CYP11A1: variants seen among roughly 807,000 people sequenced by gnomAD.
CYP11A1 encodes cytochrome P450 family 11 subfamily A member 1, also known as cholesterol side-chain cleavage enzyme, mitochondrial.
CYP11A1 carries 25 observed loss-of-function variants against 51.9 expected under a neutral mutation model. That is an observed-to-expected ratio of 0.48 (90% CI 0.35 to 0.67). CYP11A1 has a LOEUF of 0.67. Ranked by LOEUF, CYP11A1 falls within the 30% of genes least tolerant of loss-of-function variation. The pLI is 0.00. For missense variants in CYP11A1, 578 were observed against 680.9 expected (o/e 0.85, Z 1.68); for synonymous variants, 245 against 262.1 (o/e 0.93, Z 0.63).
At chr15:74,350,455 T>C (rs376818343) in intron 1 of CYP11A1, among the ~76,000 whole-genome samples, 2 of 152,200 alleles carry the variant, frequency 1.3e-5, no homozygotes, top group African/African-American at 2.4e-5. Context: ...AAGACCCTTC[T>C]TCTCACTGGG....
intron 8 of CYP11A1, 72 bp from the exon 9 acceptor site, chr15:74,338,175 C>T (rs1299303861): frequency 1.9e-6 from 3 of 1,575,738 alleles, no homozygotes; most frequent in South Asian, 1.1e-5. Flanking sequence ...CCAATTCACC[C>T]ATAGGCAGTG....
chr15:74,365,514 A>C (rs2060728161), intron 1 of CYP11A1: 1 of 240,046 alleles, frequency 4.2e-6, no homozygotes, highest in Admixed American at 6.5e-5. Flanking sequence ...AGGTGTGCGG[A>C]GGGTAACGGA....
chr15:74,347,412 T>C (rs919166954), intron 2 of CYP11A1, among the ~76,000 whole-genome samples: 5 of 151,522 alleles, frequency 3.3e-5, no homozygotes, highest in Admixed American at 6.6e-5. Context: ...CATCTCAAAA[T>C]AAAAAAAAAT....
chr15:74,348,104 T>C (rs1451825154), intron 1 of CYP11A1, 49 bp from the exon 2 acceptor site: 5 of 1,602,558 alleles, frequency 3.1e-6, no homozygotes, highest in African/African-American at 1.3e-5. Context: ...AGGAGAGCTA[T>C]GGATACAGGC....
At chr15:74,360,427 C>A (rs2060702767) in intron 1 of CYP11A1, among the ~76,000 whole-genome samples, 1 of 151,944 alleles carries the variant, frequency 6.6e-6, no homozygotes, top group East Asian at 1.9e-4. Flanking sequence ...ATTACAGACG[C>A]CCGCCACCAC....
rs574358362 is a variant in CYP11A1, at chr15:74,357,818, C to A, written c.269+9499G>T. Among the ~76,000 whole-genome samples, 8 of 152,306 alleles carry A rather than the reference C, an allele frequency of 5.3e-5. No individual in the cohort carries two copies. In the East Asian group the frequency reaches 1.4e-3, roughly 26 times the overall value. On this transcript the variant is annotated intron_variant, in intron 1 of 8. Coordinates refer to ENST00000268053, the MANE Select transcript of CYP11A1 (RefSeq NM_000781.3). ...GTCGCTGCTTTAATACTTTTAGAGG[C>A]CCTCAAAATCACAAACTGTGCTCAA...
chr15:74,343,865 G>C lies in CYP11A1; in HGVS notation c.753C>G (p.Pro251=), dbSNP rs751324828. ...FHTSVPMLNL[P]PDLFRLFRTK... is the part of the protein sequence containing the mutation. The stretch of plus-strand genomic sequence containing the variant: ...TCCTGAACAGACGGAACAGGTCTGG[G>C]GGAAGGTTGAGCATGGGGACGCTGG... Residue 251 remains proline (P), a synonymous_variant, in exon 4 of 9, where the codon CCC becomes CCG. Coordinates refer to ENST00000268053, the MANE Select transcript of CYP11A1 (RefSeq NM_000781.3). 21 of 1,613,842 alleles carry C rather than the reference G, an allele frequency of 1.3e-5. No individual in the cohort carries two copies. The highest frequency in any genetic ancestry group is 1.8e-5 in the Non-Finnish European group (21 of 1,180,040).
At chr15:74,360,477 G>A (rs2060703156) in intron 1 of CYP11A1, among the ~76,000 whole-genome samples, 1 of 151,470 alleles carries the variant, frequency 6.6e-6, no homozygotes. Context: ...GTAGAGATGG[G>A]GTTTTACCAT....
intron 3 of CYP11A1, among the ~76,000 whole-genome samples, chr15:74,344,626 A>T (rs148243416): frequency 4.6e-5 from 7 of 152,306 alleles, no homozygotes; most frequent in African/African-American, 1.7e-4. Flanking sequence ...TAACTCCTAC[A>T]GATTCCTCAA....
chr15:74,342,682 A>T (rs1371491753), intron 5 of CYP11A1, among the ~76,000 whole-genome samples: 8 of 151,668 alleles, frequency 5.3e-5, no homozygotes, highest in South Asian at 2.1e-4. Flanking sequence ...TCCAGAGGGG[A>T]CCTCCTCCTG....
chr15:74,344,971 C>A, intron 3 of CYP11A1, 73 bp downstream of exon 3: 1 of 1,400,774 alleles, frequency 7.1e-7, no homozygotes, highest in Non-Finnish European at 1.0e-6. Context: ...TGTACTGAAC[C>A]TCAAGGTAAG....
rs769898237 is a variant in CYP11A1, at chr15:74,345,200, C to T, written c.469G>A (p.Glu157Lys). ...WKKDRVALNQ[E>K]VMAPEATKNF... ...TTGGTGGCCTCTGGAGCCATCACCT[C>T]CTGGTTCAGGGCCACCCGGTCTTTC... The change falls in exon 3 of 9, where the codon GAG (glutamate) becomes AAG (lysine). Residue 157 changes from glutamate to lysine, a missense_variant. Transcript: ENST00000268053. This position sits in a 1 kb window ranked among gnomAD's most constrained non-coding sequence, Gnocchi z 4.3. 9.3e-6 allele frequency: 15 copies of T among 1,614,224 alleles called. No homozygotes were observed. The highest frequency in any genetic ancestry group is 1.2e-5 in the Non-Finnish European group (14 of 1,180,036).
At chr15:74,347,514 C>G (rs1164438870) in intron 2 of CYP11A1, among the ~76,000 whole-genome samples, 1 of 152,200 alleles carries the variant, frequency 6.6e-6, no homozygotes, top group Non-Finnish European at 1.5e-5. Flanking sequence ...CCCCTTTAGC[C>G]TGTATGGGAC....
chr15:74,338,370 C>A (rs1425430120), intron 8 of CYP11A1: 2 of 717,848 alleles, frequency 2.8e-6, no homozygotes, highest in Non-Finnish European at 2.4e-6. Context: ...TGGCCAGGGG[C>A]ATCAGTGGGT....
chr15:74,367,426 G>C lies in CYP11A1; in HGVS notation c.160C>G (p.Pro54Ala). 1 of 1,614,242 alleles carries C rather than the reference G, an allele frequency of 6.2e-7. No individual in the cohort carries two copies. The highest frequency in any genetic ancestry group is 8.5e-7 in the Non-Finnish European group (1 of 1,180,048). The change falls in exon 1 of 9, where the codon CCT (proline) becomes GCT (alanine). Residue 54 changes from proline to alanine, a missense_variant. Pro to Ala is a conservative substitution (Grantham distance 27, BLOSUM62 -1). Coordinates refer to ENST00000268053, the MANE Select transcript of CYP11A1 (RefSeq NM_000781.3). ...SPRPFNEIPS[P>A]GDNGWLNLYH... ...AGGTTTAGCCAGCCATTGTCACCAGGAGAGGGGATCTCATTGAAGGGGCGA... is the reference window on the plus strand; with the variant it reads ...AGGTTTAGCCAGCCATTGTCACCAGCAGAGGGGATCTCATTGAAGGGGCGA...
chr15:74,349,287 C>T (rs950940922), intron 1 of CYP11A1, among the ~76,000 whole-genome samples: 1 of 152,206 alleles, frequency 6.6e-6, no homozygotes, highest in African/African-American at 2.4e-5. Flanking sequence ...GAAAATTCCA[C>T]TTCTTGCTAG....
At chr15:74,350,420 C>T (rs113041879) in intron 1 of CYP11A1, among the ~76,000 whole-genome samples, 4 of 152,320 alleles carry the variant, frequency 2.6e-5, no homozygotes, top group African/African-American at 9.6e-5. Flanking sequence ...CCTGGCTTTG[C>T]TCTCATGAGT....
intron 1 of CYP11A1, among the ~76,000 whole-genome samples, chr15:74,352,446 T>A (rs2060660574): frequency 6.6e-6 from 1 of 152,016 alleles, no homozygotes; most frequent in East Asian, 1.9e-4. Flanking sequence ...ATTTTTAAAT[T>A]TTTTAATAGA....
At chr15:74,343,374 T>C (rs568991040) in intron 4 of CYP11A1, among the ~76,000 whole-genome samples, 13 of 152,096 alleles carry the variant, frequency 8.5e-5, no homozygotes, top group African/African-American at 3.1e-4. Context: ...TGCAGAGACA[T>C]AGTCACTTGC....
Sources: allele counts gnomAD v4.1 joint callset (sites outside exome capture counted in the v4.1 genomes callset), GRCh38; gene constraint gnomAD v4.1.1; non-coding constraint Gnocchi (gnomAD v3.1); transcripts MANE v1.5; gene names NCBI Gene and HGNC (gene_info 2026-07-23, HGNC 2026-07-21).